ABTB3: variants seen among roughly 807,000 people sequenced by gnomAD.
ABTB3 encodes ankyrin repeat- and BTB/POZ domain-containing protein 3.
At chr12:107,486,215 G>A in the ABTB3 span, among the ~76,000 whole-genome samples, 15 of 152,084 alleles carry the variant, frequency 9.9e-5, no homozygotes, top group African/African-American at 2.7e-4. Flanking sequence ...GACTAGATTA[G>A]TTTCTTTGAG....
At chr12:107,488,139 C>T in the ABTB3 span, among the ~76,000 whole-genome samples, 22 of 152,010 alleles carry the variant, frequency 1.4e-4, no homozygotes, top group African/African-American at 4.1e-4. Context: ...CAGTGGGTAC[C>T]GAGCAGTCAA....
At chr12:107,610,232 G>T in the ABTB3 span, 1 of 1,614,168 alleles carries the variant, frequency 6.2e-7, no homozygotes, top group South Asian at 1.1e-5. Flanking sequence ...TGGATGCGGT[G>T]GCCATCGAAG....
the ABTB3 span, among the ~76,000 whole-genome samples, chr12:107,326,711 GCAAAA>G: frequency 6.6e-6 from 1 of 152,178 alleles, no homozygotes; most frequent in Non-Finnish European, 1.5e-5. Flanking sequence ...GACCCATGAG[GCAAAA>G]CAAACATATT....
At chr12:107,607,228 AG>A in the ABTB3 span, among the ~76,000 whole-genome samples, 1 of 152,180 alleles carries the variant, frequency 6.6e-6, no homozygotes, top group Non-Finnish European at 1.5e-5. Flanking sequence ...ATATTTCTCA[AG>A]TATTTTTATT....
the ABTB3 span, among the ~76,000 whole-genome samples, chr12:107,527,183 G>A: frequency 1.3e-5 from 2 of 151,460 alleles, no homozygotes; most frequent in South Asian, 2.1e-4. Flanking sequence ...TCTTGCACTT[G>A]TTACCACCTG....
chr12:107,412,522 G>T, the ABTB3 span, among the ~76,000 whole-genome samples: 1 of 152,158 alleles, frequency 6.6e-6, no homozygotes, highest in Non-Finnish European at 1.5e-5. Flanking sequence ...GTTGGAGCGT[G>T]GGCCTTAAGA....
At chr12:107,342,879 G>A in the ABTB3 span, among the ~76,000 whole-genome samples, 1 of 152,276 alleles carries the variant, frequency 6.6e-6, no homozygotes, top group Admixed American at 6.5e-5. Flanking sequence ...TTTGCTTGCT[G>A]TCTGTAATAC....
At chr12:107,545,530 A>G in the ABTB3 span, among the ~76,000 whole-genome samples, 1 of 152,076 alleles carries the variant, frequency 6.6e-6, no homozygotes, top group Non-Finnish European at 1.5e-5. Context: ...AGGGTGAGCA[A>G]TCATGCCAGG....
chr12:107,653,663 T>C, the ABTB3 span, among the ~76,000 whole-genome samples: 1 of 152,234 alleles, frequency 6.6e-6, no homozygotes, highest in Non-Finnish European at 1.5e-5. Context: ...TAATCTTCAC[T>C]ACAACCCTTT....
the ABTB3 span, among the ~76,000 whole-genome samples, chr12:107,588,289 T>G: frequency 2.0e-3 from 297 of 152,306 alleles, no homozygotes; most frequent in Middle Eastern, 3.4e-3. Flanking sequence ...GGGGGACACA[T>G]GTCAACCCTT....
At chr12:107,471,943 C>T in the ABTB3 span, among the ~76,000 whole-genome samples, 382 of 152,260 alleles carry the variant, frequency 2.5e-3, 3 homozygotes, top group African/African-American at 9.0e-3. Flanking sequence ...CCTTACTTTT[C>T]AGATGCAGAA....
At chr12:107,481,063 A>G in the ABTB3 span, among the ~76,000 whole-genome samples, 2 of 152,180 alleles carry the variant, frequency 1.3e-5, no homozygotes, top group South Asian at 4.1e-4. Flanking sequence ...ACAAGTGGCA[A>G]TGTCTAGAGA....
chr12:107,388,271 C>T, the ABTB3 span, among the ~76,000 whole-genome samples: 1 of 151,898 alleles, frequency 6.6e-6, no homozygotes, highest in Non-Finnish European at 1.5e-5. Context: ...CGCACCCGGC[C>T]CTTCTTCTTT....
chr12:107,489,383 G>A, the ABTB3 span, among the ~76,000 whole-genome samples: 3 of 152,112 alleles, frequency 2.0e-5, no homozygotes, highest in Non-Finnish European at 4.4e-5. Context: ...AGCCGGGCGT[G>A]GTGGTGCATG....
At chr12:107,560,983 A>C in the ABTB3 span, among the ~76,000 whole-genome samples, 1 of 152,206 alleles carries the variant, frequency 6.6e-6, no homozygotes, top group Non-Finnish European at 1.5e-5. Context: ...TTCAAACTAG[A>C]GTGAGGAATT....
the ABTB3 span, among the ~76,000 whole-genome samples, chr12:107,337,137 T>A: frequency 6.6e-6 from 1 of 152,272 alleles, no homozygotes; most frequent in African/African-American, 2.4e-5. Context: ...TTTTGGATCT[T>A]AGAGCTGAGA....
the ABTB3 span, among the ~76,000 whole-genome samples, chr12:107,607,608 T>C: frequency 6.6e-6 from 1 of 152,194 alleles, no homozygotes; most frequent in Non-Finnish European, 1.5e-5. Flanking sequence ...GTTTAGGTCC[T>C]GAGACAGGTG....
the ABTB3 span, among the ~76,000 whole-genome samples, chr12:107,583,488 C>T: frequency 6.6e-6 from 1 of 152,152 alleles, no homozygotes; most frequent in African/African-American, 2.4e-5. Context: ...AGATATCGCA[C>T]CCAGAGACCC....
At chr12:107,484,271 C>T in the ABTB3 span, among the ~76,000 whole-genome samples, 60 of 152,328 alleles carry the variant, frequency 3.9e-4, no homozygotes, top group Non-Finnish European at 5.1e-4. Flanking sequence ...CAGCTTCAAA[C>T]GGGTGTCCCA....
Sources: allele counts gnomAD v4.1 joint callset (sites outside exome capture counted in the v4.1 genomes callset), GRCh38; gene constraint gnomAD v4.1.1; transcripts MANE v1.5; gene names NCBI Gene and HGNC (gene_info 2026-07-23, HGNC 2026-07-21).